The following RYR1 variants were observed in gnomAD, a reference collection of about 807,000 sequenced individuals.
The protein encoded by RYR1 is central core disease of muscle.
Under a neutral mutation model 583.5 loss-of-function variants are expected in RYR1, and 342 were observed. The observed-to-expected ratio is 0.59, with a 90% CI of 0.54 to 0.64. The LOEUF (loss-of-function observed/expected upper bound fraction) is 0.64, where lower values mean the gene tolerates loss of function less well. RYR1 is among the 30% of genes least tolerant of loss of function. The pLI is 0.00. For synonymous variants in RYR1, 2,791 were observed against 2,822.5 expected (o/e 0.99, Z 0.35); for missense variants, 6,032 against 6,917.2 (o/e 0.87, Z 4.54).
intron 26 of RYR1, 43 bp from the exon 27 acceptor site, chr19:38,469,262 G>T: frequency 6.2e-7 from 1 of 1,608,960 alleles, no homozygotes; most frequent in African/African-American, 1.3e-5. Context: ...CCTCTGCCCT[G>T]CCCACCTGCC....
chr19:38,474,454 G>A (rs566809652), intron 28 of RYR1, among the ~76,000 whole-genome samples: 1 of 151,660 alleles, frequency 6.6e-6, no homozygotes, highest in African/African-American at 2.4e-5. Context: ...GTAGAGACGG[G>A]GTTTTGCCAT....
intron 66 of RYR1, among the ~76,000 whole-genome samples, chr19:38,518,894 T>C (rs1971093037): frequency 6.6e-6 from 1 of 150,714 alleles, no homozygotes; most frequent in Non-Finnish European, 1.5e-5. Flanking sequence ...GCCATTGCAC[T>C]CCAGTCTGGG....
At chr19:38,476,055 C>T (rs1452462665) in intron 29 of RYR1, among the ~76,000 whole-genome samples, 1 of 151,876 alleles carries the variant, frequency 6.6e-6, no homozygotes, top group Non-Finnish European at 1.5e-5. Flanking sequence ...TGGAGTCTTG[C>T]TCTGTTGCCC....
chr19:38,531,026 G>A (rs1015130287), intron 76 of RYR1, among the ~76,000 whole-genome samples: 6 of 142,980 alleles, frequency 4.2e-5, no homozygotes, highest in African/African-American at 1.6e-4. Context: ...TAGAGACAGG[G>A]TTTCGCCATG....
At chr19:38,476,286 C>T (rs552449802) in intron 29 of RYR1, among the ~76,000 whole-genome samples, 2 of 152,260 alleles carry the variant, frequency 1.3e-5, no homozygotes, top group South Asian at 4.1e-4. Context: ...GCAACCTCTG[C>T]CTCCCGGGTT....
chr19:38,462,691 G>A (rs758642772), intron 20 of RYR1, among the ~76,000 whole-genome samples: 2 of 152,062 alleles, frequency 1.3e-5, no homozygotes, highest in Non-Finnish European at 2.9e-5. Flanking sequence ...ATCCTCATAC[G>A]GAGAAGGAAG....
intron 97 of RYR1, among the ~76,000 whole-genome samples, chr19:38,577,155 G>A (rs1255796351): frequency 3.3e-5 from 5 of 151,912 alleles, no homozygotes; most frequent in Admixed American, 2.0e-4. Context: ...CAAAGTGCTG[G>A]GATTACAGGC....
chr19:38,558,896 G>C (rs1234340493), intron 89 of RYR1, among the ~76,000 whole-genome samples: 2 of 152,196 alleles, frequency 1.3e-5, no homozygotes, highest in Non-Finnish European at 2.9e-5. Flanking sequence ...TTCAAGGCCA[G>C]CCTGGCCAAC....
intron 101 of RYR1, among the ~76,000 whole-genome samples, chr19:38,583,478 A>C (rs1599670564): frequency 4.7e-4 from 1 of 2,150 alleles, no homozygotes; most frequent in Non-Finnish European, 1.2e-3. Context: ...ACTCTGTCTC[A>C]AAAAAAAAAA....
intron 53 of RYR1, 35 bp from the exon 54 acceptor site, chr19:38,505,771 A>G (rs1319328727): frequency 6.2e-7 from 1 of 1,613,716 alleles, no homozygotes; most frequent in Non-Finnish European, 8.5e-7. Context: ...CTCTCATCCC[A>G]TTCCACCAAC....
chr19:38,478,611 G>C lies in RYR1; in HGVS notation c.4620+11G>C. 6.2e-7 allele frequency: 1 copy of C among 1,608,530 alleles called. No individual in the cohort carries two copies. The highest frequency in any genetic ancestry group is 1.1e-5 in the South Asian group (1 of 91,060). ...AACACCTTTTTCCAGGTGAGTCCAG[G>C]CCACAGCAATTTAGCGAGAGCATCA... is the stretch of plus-strand genomic sequence containing the variant. On this transcript the variant is annotated intron_variant, in intron 31 of 105. Coordinates refer to ENST00000359596, the MANE Select transcript of RYR1 (RefSeq NM_000540.3).
intron 67 of RYR1, among the ~76,000 whole-genome samples, chr19:38,522,472 C>T (rs1396547182): frequency 6.6e-6 from 1 of 152,010 alleles, no homozygotes; most frequent in Non-Finnish European, 1.5e-5. Flanking sequence ...CAGGCCTGGG[C>T]ATGGTGACGT....
intron 31 of RYR1, among the ~76,000 whole-genome samples, chr19:38,480,715 G>A (rs1389276051): frequency 6.6e-6 from 1 of 151,782 alleles, no homozygotes; most frequent in African/African-American, 2.4e-5. Context: ...AATCTAAGTA[G>A]GGTCATATAT....
chr19:38,537,212 A>T, intron 83 of RYR1: 2 of 247,928 alleles, frequency 8.1e-6, no homozygotes, highest in Non-Finnish European at 7.9e-6. Context: ...TCCGGCATCC[A>T]CTCTGATTGG....
At chr19:38,440,657 A>AC in intron 1 of RYR1, 88 bp from the exon 2 acceptor site, 1 of 1,507,880 alleles carries the variant, frequency 6.6e-7, no homozygotes, top group South Asian at 1.2e-5. Flanking sequence ...TTTCATAAGG[A>AC]CCAGGGTGGG....
chr19:38,583,253 C>T (rs928042610), intron 101 of RYR1, among the ~76,000 whole-genome samples: 12 of 149,492 alleles, frequency 8.0e-5, no homozygotes, highest in Admixed American at 5.4e-4. Flanking sequence ...GCCGAGATCA[C>T]GCCATTGCAC....
At chr19:38,507,920 A>C in intron 58 of RYR1, 93 bp downstream of exon 58, 1 of 766,878 alleles carries the variant, frequency 1.3e-6, no homozygotes, top group Non-Finnish European at 2.4e-6. Flanking sequence ...CATGCACTCA[A>C]TCCGTCCTCC....
intron 33 of RYR1, 89 bp from the exon 34 acceptor site, chr19:38,485,501 T>C: frequency 6.5e-7 from 1 of 1,530,296 alleles, no homozygotes; most frequent in Non-Finnish European, 8.9e-7. Flanking sequence ...GGGTGGATAG[T>C]GATGAAGGAA....
At position 38,500,062 on chromosome 19, in the gene RYR1, G is replaced by A. The variant is rs1290237284; in HGVS notation, c.7323+46G>A. Reference sequence around the variant, plus strand: ...AGGATGGGAAGGGAGGGCAGGCACAGCCGCTTTGAACGCCTCATGCAGGCA... The same window carrying A: ...AGGATGGGAAGGGAGGGCAGGCACAACCGCTTTGAACGCCTCATGCAGGCA... On this transcript the variant is annotated intron_variant, in intron 45 of 105. Coordinates refer to ENST00000359596, the MANE Select transcript of RYR1 (RefSeq NM_000540.3). This position sits in a 1 kb window ranked among gnomAD's most constrained non-coding sequence, Gnocchi z 5.9. 6.4e-7 allele frequency: 1 copy of A among 1,570,712 alleles called. No homozygotes were observed. Among genetic ancestry groups the A allele is most frequent in the Non-Finnish European group, 8.8e-7 (1 of 1,142,844 alleles).
Sources: allele counts gnomAD v4.1 joint callset (sites outside exome capture counted in the v4.1 genomes callset), GRCh38; gene constraint gnomAD v4.1.1; non-coding constraint Gnocchi (gnomAD v3.1); transcripts MANE v1.5; gene names NCBI Gene and HGNC (gene_info 2026-07-23, HGNC 2026-07-21).